Variants in PLXNC1 observed in about 807,000 individuals in gnomAD.
PLXNC1 encodes the protein plexin C1, also known as plexin-C1.
PLXNC1 carries 75 observed loss-of-function variants against 178.2 expected under a neutral mutation model. The ratio of observed to expected loss-of-function variants is 0.42; its 90% confidence interval spans 0.35 to 0.51. The LOEUF is 0.51. PLXNC1 is among the 20% of genes least tolerant of loss of function. The pLI, the probability that PLXNC1 is intolerant of heterozygous loss-of-function variation, is 0.02. For missense variants in PLXNC1, 1,503 were observed against 1,984.4 expected (o/e 0.76, Z 4.61); for synonymous variants, 790 against 779.9 (o/e 1.01, Z -0.22).
In PLXNC1 at chr12:94,226,675, G is replaced by A. The variant is rs1189404653; in HGVS notation, c.1861G>A (p.Ala621Thr). Residue 621 changes from alanine (A) to threonine (T), a missense_variant, in exon 8 of 31, where the codon GCT (alanine) becomes ACT (threonine). By Grantham distance (58) the Ala-to-Thr change is moderately conservative. Around this residue, in one of 4 missense-constraint regions of PLXNC1, gnomAD observed 615 missense variants for 698.6 expected, o/e 0.88. Coordinates refer to ENST00000258526, the MANE Select transcript of PLXNC1 (RefSeq NM_005761.3). ...AAGAAGGTGTATCCACCCCTTCACA[G>A]CTTGCGACCCTTCTGATTATGAGAG... is the stretch of plus-strand genomic sequence containing the variant. Reference protein sequence around the residue: ...SARRCIHPFTACDPSDYERNQ... With the variant: ...SARRCIHPFTTCDPSDYERNQ... 2 of 1,613,342 alleles carry A rather than the reference G, an allele frequency of 1.2e-6. No homozygotes were observed. Among genetic ancestry groups the A allele is most frequent in the Non-Finnish European group, 1.7e-6 (2 of 1,179,462 alleles).
intron 4 of PLXNC1, among the ~76,000 whole-genome samples, chr12:94,201,478 A>G (rs1205751302): frequency 6.6e-6 from 1 of 152,152 alleles, no homozygotes; most frequent in Non-Finnish European, 1.5e-5. Context: ...ATAATTGTAA[A>G]CTCTTAGAAC....
chr12:94,168,874 T>G (rs931895844), intron 1 of PLXNC1, among the ~76,000 whole-genome samples: 1 of 152,216 alleles, frequency 6.6e-6, no homozygotes, highest in African/African-American at 2.4e-5. Context: ...ATTCAGCTTC[T>G]TATATCAGCT....
intron 23 of PLXNC1, among the ~76,000 whole-genome samples, chr12:94,286,691 A>G (rs1265546278): frequency 1.3e-5 from 2 of 151,030 alleles, no homozygotes; most frequent in African/African-American, 4.9e-5. Context: ...AATCAGACTC[A>G]CCTCCCTCCA....
chr12:94,199,774 TTTTG>T (rs1040993676), intron 4 of PLXNC1, among the ~76,000 whole-genome samples: 11 of 152,170 alleles, frequency 7.2e-5, no homozygotes, highest in Non-Finnish European at 1.2e-4. Context: ...AGCCAGGCTT[TTTTG>T]TTTGTTTGTT....
intron 1 of PLXNC1, 106 bp downstream of exon 1, chr12:94,150,139 C>G: frequency 1.0e-6 from 1 of 953,700 alleles, no homozygotes; most frequent in Non-Finnish European, 1.5e-6. Flanking sequence ...GGGGTACAGC[C>G]GGGTGACATT....
chr12:94,188,549 C>G (rs1260726767), intron 4 of PLXNC1, among the ~76,000 whole-genome samples: 1 of 152,108 alleles, frequency 6.6e-6, no homozygotes, highest in African/African-American at 2.4e-5. Context: ...GTCTCGAACT[C>G]CTGACCTCAG....
intron 21 of PLXNC1, among the ~76,000 whole-genome samples, chr12:94,279,022 G>A (rs534254600): frequency 7.3e-5 from 11 of 151,150 alleles, no homozygotes; most frequent in African/African-American, 2.4e-4. Context: ...CCTCTGGCAT[G>A]GTCAATATGG....
At chr12:94,259,860 C>T in intron 19 of PLXNC1, 126 bp downstream of exon 19, 3 of 530,646 alleles carry the variant, frequency 5.7e-6, no homozygotes, top group South Asian at 4.0e-5. Context: ...GCCAGGAGTT[C>T]AAGACCAGCC....
At chr12:94,209,413 C>T (rs1263774534) in intron 4 of PLXNC1, among the ~76,000 whole-genome samples, 177 bp from the exon 5 acceptor site, 2 of 152,208 alleles carry the variant, frequency 1.3e-5, no homozygotes, top group Admixed American at 6.5e-5. Context: ...TTTCTTGTTG[C>T]TTTTCATGGT....
At position 94,150,027 on chromosome 12, in the gene PLXNC1, C is replaced by T. The variant is rs1376989152; in HGVS notation, c.1056C>T (p.Ser352=). The T allele has an allele frequency of 1.9e-6, 3 of 1,590,414 alleles. No homozygotes were observed. The highest frequency in any genetic ancestry group is 2.7e-5 in the African/African-American group (2 of 74,090). ...GCTGGGACTTCAAGACGGCCGAGAG[C>T]CACTGCGTAAGTCCTGCCCCCGGGG... ...RVSWDFKTAE[S]HCKEGDQPER... Residue 352 remains serine, a synonymous_variant, in exon 1 of 31, where the codon AGC becomes AGT. Coordinates refer to ENST00000258526, the MANE Select transcript of PLXNC1 (RefSeq NM_005761.3).
chr12:94,257,483 G>A (rs1288661644), intron 17 of PLXNC1, among the ~76,000 whole-genome samples: 2 of 152,172 alleles, frequency 1.3e-5, no homozygotes, highest in South Asian at 4.1e-4. Flanking sequence ...AAAACTCAGA[G>A]AGCCACGGGT....
chr12:94,305,513 G>A lies in PLXNC1; in HGVS notation c.*228G>A. The A allele has an allele frequency of 2.2e-6, 1 of 453,866 alleles. No homozygotes were observed. The highest frequency in any genetic ancestry group is 3.9e-6 in the Non-Finnish European group (1 of 253,632). 28.1% of individuals were successfully genotyped at this position (453,866 alleles called of 1,614,324 possible). A position where few individuals can be genotyped will look rare whatever the true frequency, so the allele number is the denominator to read the frequency against. On this transcript the variant is annotated 3_prime_UTR_variant, in exon 31 of 31. Transcript: ENST00000258526. ...TTCTGTAAATAGAGTTGAAGTGGTT[G>A]TTGCAAACAGCCTCCTTGTTTACAG...
rs778989864 is a variant in PLXNC1 at position 94,247,974 on chromosome 12, G to A, written c.2460G>A (p.Thr820=). The A allele has an allele frequency of 3.3e-5, 53 of 1,614,056 alleles. 1 individual carries two copies. The highest frequency in any genetic ancestry group is 3.3e-5 in the Non-Finnish European group (39 of 1,180,026). Residue 820 remains threonine (T), a synonymous_variant, in exon 13 of 31, where the codon ACG becomes ACA. Coordinates refer to ENST00000258526, the MANE Select transcript of PLXNC1 (RefSeq NM_005761.3). ...GTTTAAAGAGTTCAAAAGTGCGCAC[G>A]AATGTCACTGTGAAGCTGAGAGTAC... ...APSLKSSKVR[T]NVTVKLRVQD...
intron 12 of PLXNC1, among the ~76,000 whole-genome samples, chr12:94,246,152 T>C (rs944257972): frequency 6.6e-6 from 1 of 152,220 alleles, no homozygotes; most frequent in African/African-American, 2.4e-5. Flanking sequence ...TTGTTGCCGC[T>C]GAATCACTCT....
At chr12:94,183,034 G>C (rs1283203238) in intron 3 of PLXNC1, among the ~76,000 whole-genome samples, 1 of 152,138 alleles carries the variant, frequency 6.6e-6, no homozygotes, top group African/African-American at 2.4e-5. Flanking sequence ...CTGGCTCAGT[G>C]GTTTTGACCT....
intron 18 of PLXNC1, 104 bp downstream of exon 18, chr12:94,259,479 G>A: frequency 2.5e-6 from 3 of 1,207,018 alleles, no homozygotes; most frequent in Non-Finnish European, 3.5e-6. Context: ...TTTTTATTGT[G>A]GGTTTTTTTT....
intron 26 of PLXNC1, 126 bp downstream of exon 26, chr12:94,297,549 G>A: frequency 1.5e-6 from 1 of 662,680 alleles, no homozygotes; most frequent in Non-Finnish European, 2.6e-6. Flanking sequence ...CAAAATGAAA[G>A]TTTAAATTGT....
chr12:94,188,814 C>T (rs1016957715), intron 4 of PLXNC1, among the ~76,000 whole-genome samples: 2 of 152,234 alleles, frequency 1.3e-5, no homozygotes, highest in Admixed American at 6.5e-5. Flanking sequence ...GCACTGGCCC[C>T]TCACCCTCAG....
At chr12:94,246,528 G>T (rs79867598) in intron 12 of PLXNC1, among the ~76,000 whole-genome samples, 4 of 152,134 alleles carry the variant, frequency 2.6e-5, no homozygotes, top group African/African-American at 9.7e-5. Flanking sequence ...AGGATGGGCC[G>T]TGAAGGTGGC....
Sources: allele counts gnomAD v4.1 joint callset (sites outside exome capture counted in the v4.1 genomes callset), GRCh38; gene constraint gnomAD v4.1.1; regional missense constraint gnomAD v4.1.1; transcripts MANE v1.5; gene names NCBI Gene and HGNC (gene_info 2026-07-23, HGNC 2026-07-21).